The following IPO13 variants were observed in gnomAD, a reference collection of about 807,000 sequenced individuals.
IPO13 encodes the protein importin-13.
IPO13 carries 28 observed loss-of-function variants against 115.5 expected under a neutral mutation model. The ratio of observed to expected loss-of-function variants is 0.24; its 90% CI spans 0.18 to 0.33. IPO13 has a LOEUF of 0.33. Among genes scored for constraint, IPO13 ranks in the 10% least tolerant of loss-of-function variants. The pLI, the probability that IPO13 is intolerant of heterozygous loss-of-function variation, is 1.00. For synonymous variants in IPO13, 414 were observed against 478.9 expected, an observed-to-expected ratio of 0.86 and a Z score of 1.77; for missense variants, 785 against 1,204.6, an observed-to-expected ratio of 0.65 and a Z score of 5.16.
chr1:43,964,017 G>C (rs546562847), intron 14 of IPO13, among the ~76,000 whole-genome samples: 1 of 152,370 alleles, frequency 6.6e-6, no homozygotes, highest in Admixed American at 6.5e-5. Flanking sequence ...GGGATGGCCT[G>C]AGGAGGAGTG....
Position 43,947,047 on chromosome 1 carries a change from G to A in IPO13, c.-554G>A, listed in dbSNP as rs1485571288. On this transcript the variant is annotated 5_prime_UTR_variant, in exon 1 of 20. Transcript: ENST00000372343. The stretch of plus-strand genomic sequence containing the variant: ...GGGCCAGGCCGAACGGAAGGGACCT[G>A]CCACAGCCCCTCAACTCCACGGACT... 2 of 398,616 alleles carry A rather than the reference G, an allele frequency of 5.0e-6. No individual in the cohort carries two copies. The highest frequency in any genetic ancestry group is 8.8e-6 in the Non-Finnish European group (2 of 226,130). 24.7% of individuals were successfully genotyped at this position (398,616 alleles called of 1,614,324 possible). A position where few individuals can be genotyped will look rare whatever the true frequency, so the allele number is the denominator to read the frequency against.
rs751883269 is a variant in IPO13, at chr1:43,966,756, A to C, written c.2497A>C (p.Thr833Pro). 1 of 1,613,918 alleles carries C rather than the reference A, an allele frequency of 6.2e-7. No individual in the cohort carries two copies. Among genetic ancestry groups the C allele is most frequent in the Non-Finnish European group, 8.5e-7 (1 of 1,180,012 alleles). The change falls in exon 17 of 20, where the codon ACT becomes CCT. Residue 833 changes from threonine (T) to proline (P), a missense_variant. By Grantham distance (38) the Thr-to-Pro change is conservative. Transcript: ENST00000372343. The surrounding 1 kb of genome is among the most constrained non-coding windows in gnomAD (Gnocchi z 4.1). Reference protein sequence around the residue: ...VLALKFPEAPTVKASCGFFTE... With the variant: ...VLALKFPEAPPVKASCGFFTE... ...GGCCCTCAAGTTCCCTGAGGCACCT[A>C]CTGTCAAGGCCTCCTGTGGCTTCTT...
intron 2 of IPO13, among the ~76,000 whole-genome samples, chr1:43,951,455 C>A (rs1316407879): frequency 6.6e-6 from 1 of 152,110 alleles, no homozygotes; most frequent in Non-Finnish European, 1.5e-5. Context: ...GGAGGACATT[C>A]CAGCCCAAGC....
chr1:43,964,376 AT>A, intron 15 of IPO13, 55 bp downstream of exon 15: 1 of 1,378,928 alleles, frequency 7.3e-7, no homozygotes, highest in Non-Finnish European at 1.0e-6. Context: ...TCTTTCTCTT[AT>A]GTTGAAATTC....
rs1198994095 is a variant in IPO13, at chr1:43,966,498, G to T, written c.2398-77G>T. ...CTACCTGTGAGGTGTGAAGTTGGGG[G>T]CTGGGGTGGCAGGTGAGTGGGGGGG... On this transcript the variant is annotated intron_variant, in intron 15 of 19. Coordinates refer to ENST00000372343, the MANE Select transcript of IPO13 (RefSeq NM_014652.4). This position sits in a 1 kb window ranked among gnomAD's most constrained non-coding sequence, Gnocchi z 4.1. 1.4e-6 allele frequency: 2 copies of T among 1,459,618 alleles called. No homozygotes were observed. Among genetic ancestry groups the T allele is most frequent in the Non-Finnish European group, 1.9e-6 (2 of 1,043,456 alleles). 90.4% of individuals were successfully genotyped at this position (1,459,618 alleles called of 1,614,324 possible).
At position 43,947,653 on chromosome 1, in the gene IPO13, C is replaced by T; in HGVS notation, c.53C>T (p.Ala18Val). ...GCTGCAGGGGCTGGAGCAGCACCAGCCTTGGACTTCACTGTGGAGAACGTG... is the reference window on the plus strand; with the variant it reads ...GCTGCAGGGGCTGGAGCAGCACCAGTCTTGGACTTCACTGTGGAGAACGTG... ...PGAAGAGAAP[A>V]LDFTVENVEK... is the part of the protein sequence containing the mutation. Residue 18 changes from alanine to valine, a missense_variant, in exon 1 of 20, where the codon GCC becomes GTC. By Grantham distance (64) the Ala-to-Val change is moderately conservative. Transcript: ENST00000372343. 1 of 1,332,846 alleles carries T rather than the reference C, an allele frequency of 7.5e-7. No individual in the cohort carries two copies. Among genetic ancestry groups the T allele is most frequent in the South Asian group, 2.1e-5 (1 of 47,396 alleles). The allele number at this position is 1,332,846 out of a possible 1,614,324, so 82.6% of individuals were successfully genotyped here.
At chr1:43,957,885 G>T in intron 7 of IPO13, 92 bp from the exon 8 acceptor site, 1 of 1,249,520 alleles carries the variant, frequency 8.0e-7, no homozygotes, top group South Asian at 1.3e-5. Flanking sequence ...GCTGCAACTT[G>T]ACCCTGCCAG....
At chr1:43,950,499 C>T (rs2085201716) in intron 2 of IPO13, among the ~76,000 whole-genome samples, 1 of 152,216 alleles carries the variant, frequency 6.6e-6, no homozygotes, top group Non-Finnish European at 1.5e-5. Context: ...TCTCTCTCCC[C>T]AGATTACTGT....
rs2085192976 is a variant in IPO13, at chr1:43,949,745, C to T, written c.413C>T (p.Ala138Val). 2 of 1,614,060 alleles carry T rather than the reference C, an allele frequency of 1.2e-6. No individual in the cohort carries two copies. Among genetic ancestry groups the T allele is most frequent in the African/African-American group, 1.3e-5 (1 of 74,950 alleles). The change falls in exon 2 of 20, where the codon GCT (alanine) becomes GTT (valine). Residue 138 changes from alanine (A) to valine (V), a missense_variant. Transcript: ENST00000372343. Reference sequence around the variant, plus strand: ...CTGGCTCTCAGCATGATGCCTGACGCTTGGCCATGTGCTGTGGCAGATATG... The same window carrying T: ...CTGGCTCTCAGCATGATGCCTGACGTTTGGCCATGTGCTGTGGCAGATATG... ...ASLALSMMPD[A>V]WPCAVADMVR...
rs748345922 is a variant in IPO13 at position 43,966,855 on chromosome 1, G to A, written c.2523+73G>A. On this transcript the variant is annotated intron_variant, in intron 17 of 19. Transcript: ENST00000372343. This position sits in a 1 kb window ranked among gnomAD's most constrained non-coding sequence, Gnocchi z 4.1. Reference sequence around the variant, plus strand: ...CCTGCCCAGGACTTCAGACAGTAGGGCTGGGGTGTACAGGTCTTGTCCTCA... The same window carrying A: ...CCTGCCCAGGACTTCAGACAGTAGGACTGGGGTGTACAGGTCTTGTCCTCA... 5 of 1,606,384 alleles carry A rather than the reference G, an allele frequency of 3.1e-6. No homozygotes were observed. Among genetic ancestry groups the A allele is most frequent in the Non-Finnish European group, 4.3e-6 (5 of 1,173,276 alleles).
At chr1:43,961,547 G>T (rs1267091824) in intron 14 of IPO13, among the ~76,000 whole-genome samples, 2 of 152,138 alleles carry the variant, frequency 1.3e-5, no homozygotes, top group African/African-American at 4.8e-5. Context: ...GGCTCTGAGG[G>T]GCTTGGGGCA....
At chr1:43,955,316 C>A (rs1402756935) in intron 2 of IPO13, among the ~76,000 whole-genome samples, 1 of 151,664 alleles carries the variant, frequency 6.6e-6, no homozygotes, top group Non-Finnish European at 1.5e-5. Context: ...TCTTCTGTAT[C>A]CCACTCTTGT....
At chr1:43,957,147 C>T (rs757629050) in intron 5 of IPO13, 48 bp from the exon 6 acceptor site, 4 of 1,598,870 alleles carry the variant, frequency 2.5e-6, no homozygotes, top group Non-Finnish European at 3.4e-6. Flanking sequence ...GGGGCAGGAT[C>T]CAGGGTCAGG....
intron 2 of IPO13, among the ~76,000 whole-genome samples, chr1:43,955,796 T>C (rs1043852802): frequency 6.6e-6 from 1 of 152,156 alleles, no homozygotes; most frequent in African/African-American, 2.4e-5. Flanking sequence ...ATTTGACCCA[T>C]GACAGTCTGC....
intron 12 of IPO13, 86 bp from the exon 13 acceptor site, chr1:43,960,790 A>G (rs894823010): frequency 3.1e-5 from 47 of 1,530,680 alleles, no homozygotes; most frequent in African/African-American, 4.1e-5. Flanking sequence ...TAAGGGCCCA[A>G]TCGTAGGCCC....
rs1183937226 is a variant in IPO13 at position 43,947,319 on chromosome 1, C to T, written c.-282C>T. 2 of 399,114 alleles carry T rather than the reference C, an allele frequency of 5.0e-6. No homozygotes were observed. Among genetic ancestry groups the T allele is most frequent in the Non-Finnish European group, 8.8e-6 (2 of 226,322 alleles). 24.7% of individuals were successfully genotyped at this position (399,114 alleles called of 1,614,324 possible). ...CTCCACACAGATTCTGGGGACAGAG[C>T]TGTTACCTGCCACTAGGATCCCCGC... On this transcript the variant is annotated 5_prime_UTR_variant, in exon 1 of 20. Transcript: ENST00000372343.
rs1358340485 is a variant in IPO13, at chr1:43,967,289, G to C, written c.2614-26G>C. 1.2e-6 allele frequency: 2 copies of C among 1,606,000 alleles called. No individual in the cohort carries two copies. The highest frequency in any genetic ancestry group is 3.3e-5 in the Admixed American group (2 of 59,854). On this transcript the variant is annotated intron_variant, in intron 18 of 19. Coordinates refer to ENST00000372343, the MANE Select transcript of IPO13 (RefSeq NM_014652.4). The surrounding 1 kb of genome is among the most constrained non-coding windows in gnomAD (Gnocchi z 6.1). ...AAGCGGCGGAAGGGGCAACACCCTG[G>C]TGTGCTGAGAACCCCTCTCCCTCAG...
At chr1:43,961,955 C>G (rs1023597659) in intron 14 of IPO13, among the ~76,000 whole-genome samples, 3 of 152,126 alleles carry the variant, frequency 2.0e-5, no homozygotes, top group African/African-American at 7.2e-5. Flanking sequence ...ATTCAGGCTT[C>G]TCGTGTTGTC....
intron 15 of IPO13, among the ~76,000 whole-genome samples, chr1:43,965,213 G>A (rs1299699652): frequency 1.3e-5 from 2 of 152,094 alleles, no homozygotes; most frequent in African/African-American, 4.8e-5. Flanking sequence ...TGAAGTTAGT[G>A]TGATGGGGGC....
Sources: gnomAD v4.1 joint callset for allele counts (sites outside exome capture counted in the v4.1 genomes callset) on GRCh38, gnomAD v4.1.1 for gene constraint, Gnocchi (gnomAD v3.1) non-coding constraint, MANE v1.5 for transcripts, NCBI Gene and HGNC (gene_info 2026-07-23, HGNC 2026-07-21) for gene names.